PDE1C: variants seen among roughly 807,000 people sequenced by gnomAD.
PDE1C encodes the protein phosphodiesterase 1C, also known as dual specificity calcium/calmodulin-dependent 3',5'-cyclic nucleotide phosphodiesterase 1C.
PDE1C carries 62 observed loss-of-function variants against 93.1 expected under a neutral mutation model. The ratio of observed to expected loss-of-function variants is 0.67; its 90% CI spans 0.54 to 0.82. The LOEUF (loss-of-function observed/expected upper bound fraction) is 0.82. Among genes scored for constraint, PDE1C ranks in the 40% least tolerant of loss-of-function variants. The pLI is 0.00. For synonymous variants in PDE1C, 325 were observed against 310.1 expected, an observed-to-expected ratio of 1.05 and a Z score of -0.50; for missense variants, 742 against 884.6, an observed-to-expected ratio of 0.84 and a Z score of 2.04.
chr7:31,648,530 CAGAG>C, the PDE1C span, among the ~76,000 whole-genome samples: 1 of 152,282 alleles, frequency 6.6e-6, no homozygotes, highest in East Asian at 1.9e-4. Flanking sequence ...CCACCATTCT[CAGAG>C]AGCAAACACT....
intron 3 of PDE1C, among the ~76,000 whole-genome samples, chr7:32,104,635 CA>C (rs1798207424): frequency 6.6e-6 from 1 of 152,042 alleles, no homozygotes; most frequent in East Asian, 1.9e-4. Flanking sequence ...AATGTAAATA[CA>C]CTGGGAGGAT....
intron 2 of PDE1C, among the ~76,000 whole-genome samples, chr7:31,945,287 A>G (rs1334871959): frequency 6.9e-6 from 1 of 144,710 alleles, no homozygotes; most frequent in African/African-American, 2.7e-5. Context: ...AAAAAATAAG[A>G]AAAAAAGATT....
chr7:32,281,145 T>C (rs567689660), intron 1 of PDE1C, among the ~76,000 whole-genome samples: 209 of 152,280 alleles, frequency 1.4e-3, no homozygotes, highest in Non-Finnish European at 2.4e-3. Context: ...ACAAAATGAA[T>C]TTTAGATGAA....
chr7:32,349,633 A>T (rs994912317), intron 1 of PDE1C, among the ~76,000 whole-genome samples: 20 of 149,038 alleles, frequency 1.3e-4, no homozygotes, highest in African/African-American at 3.4e-4. Context: ...TAAAGTTGAA[A>T]TTTTTTTTTT....
intron 2 of PDE1C, among the ~76,000 whole-genome samples, chr7:31,897,324 C>T (rs76736975): frequency 0.021 from 3,257 of 152,240 alleles, 41 homozygotes; most frequent in Non-Finnish European, 0.034. Flanking sequence ...AGGAAAGTGT[C>T]CTATTACAAA....
At chr7:32,307,563 C>T (rs568476127) in intron 1 of PDE1C, among the ~76,000 whole-genome samples, 16 of 152,238 alleles carry the variant, frequency 1.1e-4, no homozygotes, top group African/African-American at 3.6e-4. Flanking sequence ...CCACTGTTTT[C>T]ACTCAATCTG....
At chr7:31,814,552 T>C (rs1787982963) in intron 15 of PDE1C, among the ~76,000 whole-genome samples, 1 of 151,866 alleles carries the variant, frequency 6.6e-6, no homozygotes. Flanking sequence ...TAAAAATAAT[T>C]GGAGAACATC....
At chr7:32,073,990 A>ACATG (rs1299050158), upstream of PDE1C, among the ~76,000 whole-genome samples, 2 of 152,092 alleles carry the variant, frequency 1.3e-5, no homozygotes, top group African/African-American at 4.8e-5. Flanking sequence ...ATGCATATAG[A>ACATG]CATGCATACA....
chr7:31,763,362 T>G (rs1316623323), intron 17 of PDE1C, among the ~76,000 whole-genome samples: 3 of 152,146 alleles, frequency 2.0e-5, no homozygotes, highest in Non-Finnish European at 2.9e-5. Flanking sequence ...AATCTATTCT[T>G]AAACTAAGAA....
chr7:32,303,755 C>A (rs374275965), upstream of PDE1C, among the ~76,000 whole-genome samples: 42 of 152,206 alleles, frequency 2.8e-4, no homozygotes, highest in South Asian at 7.2e-3. Flanking sequence ...CAATTTTTTT[C>A]TTTGGCTCCC....
intron 1 of PDE1C, among the ~76,000 whole-genome samples, chr7:32,212,250 C>T (rs1172754196): frequency 6.6e-6 from 1 of 151,990 alleles, no homozygotes; most frequent in Non-Finnish European, 1.5e-5. Context: ...ACAGAGACAC[C>T]AATGTCACTA....
intron 3 of PDE1C, among the ~76,000 whole-genome samples, chr7:31,879,891 A>G (rs543514153): frequency 5.3e-5 from 8 of 152,224 alleles, no homozygotes; most frequent in Admixed American, 1.3e-4. Flanking sequence ...GTAGCTGCCA[A>G]TGTAAAGGTG....
chr7:31,658,946 A>C, the PDE1C span, among the ~76,000 whole-genome samples: 4 of 152,240 alleles, frequency 2.6e-5, no homozygotes, highest in Admixed American at 2.6e-4. Context: ...GGAAAATGAA[A>C]GAAAACATTT....
At chr7:31,750,737 T>G (rs1328318590), downstream of PDE1C, among the ~76,000 whole-genome samples, 1 of 152,266 alleles carries the variant, frequency 6.6e-6, no homozygotes. Flanking sequence ...TGTTTTGTTT[T>G]GTTTTGTTTT....
intron 2 of PDE1C, among the ~76,000 whole-genome samples, chr7:32,184,459 AC>A (rs1803697393): frequency 6.6e-6 from 1 of 152,252 alleles, no homozygotes; most frequent in Admixed American, 6.5e-5. Flanking sequence ...ACCATGGAAT[AC>A]TATGCAGCCA....
intron 2 of PDE1C, among the ~76,000 whole-genome samples, chr7:31,887,826 T>G (rs1252889070): frequency 3.3e-5 from 5 of 152,200 alleles, no homozygotes; most frequent in Non-Finnish European, 7.3e-5. Flanking sequence ...ATATTTCAAG[T>G]GTATGGAAAT....
At chr7:32,340,748 T>G (rs1236935644) in intron 1 of PDE1C, among the ~76,000 whole-genome samples, 1 of 152,160 alleles carries the variant, frequency 6.6e-6, no homozygotes, top group African/African-American at 2.4e-5. Flanking sequence ...ATGAAAATGC[T>G]AAATACTATA....
chr7:31,886,881 G>GAATAGATCTATTCGGATCTATTCTGAATA (rs1583793857), intron 2 of PDE1C, among the ~76,000 whole-genome samples: 2 of 14,596 alleles, frequency 1.4e-4, no homozygotes, highest in South Asian at 2.7e-3. Context: ...GATCTATTCA[G>GAATAGATCTATTCGGATCTATTCTGAATA]GGGCGTGTCA....
At chr7:32,221,621 G>T (rs541020259) in intron 1 of PDE1C, among the ~76,000 whole-genome samples, 1 of 152,170 alleles carries the variant, frequency 6.6e-6, no homozygotes, top group Non-Finnish European at 1.5e-5. Flanking sequence ...GACATAACCC[G>T]CATTGAAAAG....
Sources: gnomAD v4.1 joint callset for allele counts (sites outside exome capture counted in the v4.1 genomes callset) on GRCh38, gnomAD v4.1.1 for gene constraint, MANE v1.5 for transcripts, NCBI Gene and HGNC (gene_info 2026-07-23, HGNC 2026-07-21) for gene names.